The following WNK3 variants were observed in gnomAD, a reference collection of about 807,000 sequenced individuals.
WNK3 encodes WNK lysine deficient protein kinase 3, also known as serine/threonine-protein kinase WNK3.
A neutral mutation model predicts 116.7 loss-of-function variants in WNK3; 18 were observed. The observed-to-expected ratio is 0.15, with a 90% CI of 0.11 to 0.23. The LOEUF (loss-of-function observed/expected upper bound fraction) is 0.23, where lower values mean the gene tolerates loss of function less well. Ranked by LOEUF, WNK3 falls within the 10% of genes least tolerant of loss-of-function variation. WNK3 has a pLI of 1.00. For synonymous variants in WNK3, 404 were observed against 469.4 expected (o/e 0.86, Z 1.80); for missense variants, 993 against 1,323.8 (o/e 0.75, Z 3.88).
chrX:54,214,000 G>A (rs1557144439), intron 22 of WNK3, among the ~76,000 whole-genome samples: 1 of 110,362 alleles, frequency 9.1e-6, no homozygotes, highest in East Asian at 2.8e-4. Context: ...TTTTTGAGAT[G>A]GAGTCTCACT....
chrX:54,253,091 A>G (rs1313284565), intron 13 of WNK3, among the ~76,000 whole-genome samples: 1 of 109,797 alleles, frequency 9.1e-6, no homozygotes, highest in Non-Finnish European at 1.9e-5. Flanking sequence ...GGGATACCCC[A>G]TTTACCTTTA....
chrX:54,306,641 G>T (rs781930022), intron 5 of WNK3, among the ~76,000 whole-genome samples: 1 of 111,014 alleles, frequency 9.0e-6, no homozygotes, highest in African/African-American at 3.3e-5. Context: ...GGAGTTGTGG[G>T]GGAGGAAATG....
In WNK3 at chrX:54,238,851, G is replaced by C; in HGVS notation, c.3883+17C>G. 1 of 1,106,186 alleles carries C rather than the reference G, an allele frequency of 9.0e-7. No individual in the cohort carries two copies. Among genetic ancestry groups the C allele is most frequent in the Non-Finnish European group, 1.2e-6 (1 of 832,411 alleles). 91.2% of individuals were successfully genotyped at this position (1,106,186 alleles called of 1,213,427 possible). On this transcript the variant is annotated intron_variant, in intron 18 of 23. Transcript: ENST00000354646. ...GTGATGTTACCTAGTCTATGTCCCTGACTGTAAGCACACTACCTTGACGGA... is the reference window on the plus strand; with the variant it reads ...GTGATGTTACCTAGTCTATGTCCCTCACTGTAAGCACACTACCTTGACGGA...
chrX:54,246,012 T>G (rs145389082), intron 17 of WNK3, among the ~76,000 whole-genome samples: 1 of 112,251 alleles, frequency 8.9e-6, no homozygotes, highest in East Asian at 2.8e-4. Context: ...TCCATAAAAT[T>G]TTGCCTTTCT....
At chrX:54,254,231 C>T (rs952011845) in intron 12 of WNK3, among the ~76,000 whole-genome samples, 156 bp from the exon 13 acceptor site, 14 of 112,026 alleles carry the variant, frequency 1.2e-4, no homozygotes, top group African/African-American at 4.2e-4. Flanking sequence ...TCTAAACAGC[C>T]ATTCTATGAC....
At chrX:54,251,885 G>T (rs1249932076) in intron 13 of WNK3, among the ~76,000 whole-genome samples, 198 bp from the exon 14 acceptor site, 5 of 109,490 alleles carry the variant, frequency 4.6e-5, no homozygotes, top group African/African-American at 1.7e-4. Context: ...GACCAACATG[G>T]TGAAACCCTG....
At chrX:54,197,445 A>C (rs1331767857) in exon 24 of WNK3, 2 of 111,851 alleles carry the variant, frequency 1.8e-5, no homozygotes, top group East Asian at 5.6e-4. Context: ...AAAAGGGCTC[A>C]TGTTCTGTAT....
intron 22 of WNK3, among the ~76,000 whole-genome samples, chrX:54,214,426 T>C (rs782283212): frequency 1.8e-5 from 2 of 111,853 alleles, no homozygotes; most frequent in East Asian, 5.6e-4. Context: ...AAGGAGAAGA[T>C]GGACTTCTAA....
intron 19 of WNK3, 62 bp from the exon 20 acceptor site, chrX:54,237,613 T>C (rs2067977511): frequency 9.4e-7 from 1 of 1,064,236 alleles, no homozygotes; most frequent in Non-Finnish European, 1.2e-6. Context: ...TCTGCTGTGA[T>C]GTATATGTAT....
intron 1 of WNK3, among the ~76,000 whole-genome samples, chrX:54,354,632 G>A (rs1261960979): frequency 3.6e-5 from 4 of 110,685 alleles, no homozygotes; most frequent in East Asian, 2.8e-4. Flanking sequence ...ACCATGGCAC[G>A]CGTTTATCTG....
intron 15 of WNK3, 82 bp downstream of exon 15, chrX:54,251,317 T>C: frequency 1.6e-6 from 1 of 643,674 alleles, no homozygotes; most frequent in South Asian, 3.1e-5. Context: ...TTGGCTAACA[T>C]CTTTCCCAAT....
chrX:54,313,978 G>A (rs2068918782), intron 2 of WNK3, among the ~76,000 whole-genome samples: 1 of 109,228 alleles, frequency 9.2e-6, no homozygotes, highest in Admixed American at 9.9e-5. Flanking sequence ...GATCGCCTGA[G>A]GTCAGGAGCT....
At chrX:54,321,690 T>A (rs2069036757) in intron 2 of WNK3, among the ~76,000 whole-genome samples, 1 of 111,446 alleles carries the variant, frequency 9.0e-6, no homozygotes, top group Non-Finnish European at 1.9e-5. Context: ...CTGAGCGCGG[T>A]GGCTCACACC....
intron 23 of WNK3, among the ~76,000 whole-genome samples, chrX:54,199,807 T>G (rs2067484371): frequency 8.9e-6 from 1 of 112,006 alleles, no homozygotes; most frequent in Non-Finnish European, 1.9e-5. Context: ...CACTCCAGCC[T>G]GGGCAACAAG....
At chrX:54,286,912 C>CAA (rs375601596) in intron 10 of WNK3, among the ~76,000 whole-genome samples, 896 of 70,968 alleles carry the variant, frequency 0.013, 11 homozygotes, top group African/African-American at 0.043. Flanking sequence ...GACCCCATCT[C>CAA]AAAAAAAAAA....
chrX:54,230,737 T>G (rs1056366042), intron 21 of WNK3, among the ~76,000 whole-genome samples: 1 of 112,633 alleles, frequency 8.9e-6, no homozygotes, highest in Non-Finnish European at 1.9e-5. Context: ...GGAGCTTTAT[T>G]TGTAAAACCC....
intron 1 of WNK3, among the ~76,000 whole-genome samples, chrX:54,350,324 G>A (rs1398111989): frequency 9.1e-6 from 1 of 109,585 alleles, no homozygotes; most frequent in South Asian, 4.0e-4. Context: ...GCAGGAGAAC[G>A]GCGTGAACCC....
intron 10 of WNK3, among the ~76,000 whole-genome samples, chrX:54,276,065 C>T (rs1207691123): frequency 9.0e-6 from 1 of 111,148 alleles, no homozygotes; most frequent in East Asian, 2.8e-4. Context: ...GTAGGCTGGG[C>T]GCGGTGGCTC....
At chrX:54,219,037 A>T (rs1252779119) in intron 22 of WNK3, among the ~76,000 whole-genome samples, 1 of 112,024 alleles carries the variant, frequency 8.9e-6, no homozygotes, top group Non-Finnish European at 1.9e-5. Context: ...TTCCAAAAAT[A>T]GAAGAGAAAA....
Sources: gnomAD v4.1 joint callset for allele counts (sites outside exome capture counted in the v4.1 genomes callset) on GRCh38, gnomAD v4.1.1 for gene constraint, MANE v1.5 for transcripts, NCBI Gene and HGNC (gene_info 2026-07-23, HGNC 2026-07-21) for gene names.